MYL1: variants seen among roughly 807,000 people sequenced by gnomAD.
MYL1 encodes the protein myosin light chain 1.
In MYL1, 16 loss-of-function variants were observed where a neutral mutation model predicts 21.8. That is an observed-to-expected ratio of 0.74 (90% CI 0.50 to 1.12). MYL1 has a LOEUF of 1.12. Among genes scored for constraint, MYL1 ranks in the 50% most tolerant of loss-of-function variants. The pLI is 0.00. For missense variants in MYL1, 246 were observed against 241.0 expected (o/e 1.02, Z -0.14); for synonymous variants, 99 against 85.2 (o/e 1.16, Z -0.89).
At position 210,309,874 on chromosome 2, in the gene MYL1, A is replaced by G. The variant is rs558801630; in HGVS notation, c.132+5037T>C. Among the ~76,000 whole-genome samples the G allele has an allele frequency of 4.6e-5, 7 of 152,186 alleles. No individual in the cohort carries two copies. The South Asian group carries it at 1.2e-3, about 27-fold the overall frequency. ...GTTTTACTTAAAAGTGTTATTCACT[A>G]TTAATTGGTGAACATATCTCTTCTT... is the stretch of plus-strand genomic sequence containing the variant. On this transcript the variant is annotated intron_variant, in intron 1 of 6. Coordinates refer to ENST00000352451, the MANE Select transcript of MYL1 (RefSeq NM_079420.3).
rs1279264770 is a variant in MYL1 at position 210,315,056 on chromosome 2, AG to A, written c.-15del. On this transcript the variant is annotated 5_prime_UTR_variant, in exon 1 of 7. Coordinates refer to ENST00000352451, the MANE Select transcript of MYL1 (RefSeq NM_079420.3). The stretch of plus-strand genomic sequence containing the variant: ...CTTTGGTGCCATTTTTTTTTTTAAA[AG>A]GGTGGGTTAAAAAGAGAAGGAGTTC... 4 of 1,592,920 alleles carry A rather than the reference AG, an allele frequency of 2.5e-6. No homozygotes were observed. The Admixed American group carries it at 7.6e-5, about 30-fold the overall frequency.
intron 3 of MYL1, among the ~76,000 whole-genome samples, chr2:210,297,832 G>T (rs953218387): frequency 3.3e-5 from 5 of 151,570 alleles, no homozygotes; most frequent in African/African-American, 1.2e-4. Flanking sequence ...GTGTGTCAAA[G>T]GACAGAGCAC....
At chr2:210,307,681 C>T (rs187042849) in intron 1 of MYL1, among the ~76,000 whole-genome samples, 144 of 152,130 alleles carry the variant, frequency 9.5e-4, no homozygotes, top group Non-Finnish European at 1.5e-3. Context: ...CAATTGATGT[C>T]GGATTTAGGT....
At chr2:210,303,462 C>T in intron 1 of MYL1, 5 of 1,390,220 alleles carry the variant, frequency 3.6e-6, no homozygotes, top group African/African-American at 2.9e-5. Flanking sequence ...TCCATTTTTG[C>T]CTATCTTTCT....
At chr2:210,308,399 AATATATATATATATATAT>A (rs71043988) in intron 1 of MYL1, among the ~76,000 whole-genome samples, 41,156 of 85,008 alleles carry the variant, frequency 0.48, 8,664 homozygotes, top group Admixed American at 0.64. Flanking sequence ...TACTTAGGCT[AATATATATATATATATAT>A]ATATATATAT....
At chr2:210,309,500 A>C (rs1459615456) in intron 1 of MYL1, among the ~76,000 whole-genome samples, 1 of 152,026 alleles carries the variant, frequency 6.6e-6, no homozygotes, top group African/African-American at 2.4e-5. Flanking sequence ...CATATAATAT[A>C]CCTTTTAACT....
chr2:210,306,457 T>C (rs889439122), intron 1 of MYL1, among the ~76,000 whole-genome samples: 2 of 152,146 alleles, frequency 1.3e-5, no homozygotes, highest in Admixed American at 6.5e-5. Flanking sequence ...AAGTTTGTTA[T>C]TATTATAATA....
chr2:210,303,261 T>G (rs1690291184), intron 1 of MYL1, among the ~76,000 whole-genome samples: 1 of 152,226 alleles, frequency 6.6e-6, no homozygotes, highest in Non-Finnish European at 1.5e-5. Flanking sequence ...CAGGTTTTTT[T>G]CTTCTAAATT....
At chr2:210,299,440 C>T (rs1036604531) in intron 2 of MYL1, among the ~76,000 whole-genome samples, 4 of 152,064 alleles carry the variant, frequency 2.6e-5, no homozygotes, top group Admixed American at 1.3e-4. Flanking sequence ...CATTGGTAGA[C>T]GCCATCAATT....
At chr2:210,294,675 G>T (rs1690146195) in intron 3 of MYL1, among the ~76,000 whole-genome samples, 1 of 152,022 alleles carries the variant, frequency 6.6e-6, no homozygotes, top group Non-Finnish European at 1.5e-5. Context: ...TGTGCCTCAA[G>T]TTATCATCTG....
chr2:210,295,283 G>C (rs181026185), intron 3 of MYL1, among the ~76,000 whole-genome samples: 1 of 152,062 alleles, frequency 6.6e-6, no homozygotes, highest in South Asian at 2.1e-4. Context: ...CTGAATAAAT[G>C]AGTATTTTAC....
At chr2:210,308,399 A>AATATATAT (rs71043988) in intron 1 of MYL1, among the ~76,000 whole-genome samples, 4,047 of 83,516 alleles carry the variant, frequency 0.048, 249 homozygotes, top group Non-Finnish European at 0.057. Flanking sequence ...TACTTAGGCT[A>AATATATAT]ATATATATAT....
intron 3 of MYL1, among the ~76,000 whole-genome samples, chr2:210,296,303 G>T (rs1690174018): frequency 6.6e-6 from 1 of 152,120 alleles, no homozygotes; most frequent in South Asian, 2.1e-4. Context: ...GAACATTCAA[G>T]ATCAACTCTT....
intron 5 of MYL1, 89 bp from the exon 6 acceptor site, chr2:210,291,163 C>A: frequency 2.0e-6 from 2 of 1,020,004 alleles, no homozygotes; most frequent in Non-Finnish European, 3.0e-6. Flanking sequence ...TTAGCTCAAT[C>A]CTATTTTTAG....
chr2:210,294,123 AT>A (rs879843700), intron 4 of MYL1, 121 bp downstream of exon 4: 484 of 1,064,684 alleles, frequency 4.5e-4, no homozygotes, highest in Non-Finnish European at 5.3e-4. Flanking sequence ...ACTTTTGACT[AT>A]TTTTTTTTCC....
At chr2:210,304,704 G>A (rs1381803609) in intron 1 of MYL1, among the ~76,000 whole-genome samples, 12 of 152,120 alleles carry the variant, frequency 7.9e-5, no homozygotes. Context: ...CACTGCACCT[G>A]ACTAATTTTT....
In MYL1 at chr2:210,298,413, G is replaced by C; in HGVS notation, c.304+7C>G. The stretch of plus-strand genomic sequence containing the variant: ...TTCCACACTTCTTGGAAAAATTGAT[G>C]GGTTACCTTCATTGCTGGGGTTTCC... On this transcript the variant is annotated splice_region_variant and intron_variant, in intron 3 of 6. Coordinates refer to ENST00000352451, the MANE Select transcript of MYL1 (RefSeq NM_079420.3). The C allele has an allele frequency of 1.2e-6, 2 of 1,611,838 alleles. No individual in the cohort carries two copies. The highest frequency in any genetic ancestry group is 1.7e-6 in the Non-Finnish European group (2 of 1,179,066).
chr2:210,298,560 A>G lies in MYL1; in HGVS notation c.164T>C (p.Phe55Ser). The change falls in exon 3 of 7, where the codon TTC becomes TCC. Residue 55 changes from phenylalanine to serine, a missense_variant. Physicochemically the swap from Phe to Ser is radical, Grantham distance 155. Transcript: ENST00000352451. ...GTCAAACAGGAGAAATGCCTCCTTG[A>G]ATTCTGCAAAAAGCAAGAAGCATTA... is the stretch of plus-strand genomic sequence containing the variant. ...IEFSKEQQDE[F>S]KEAFLLFDRT... 6.2e-7 allele frequency: 1 copy of G among 1,613,908 alleles called. No homozygotes were observed. Among genetic ancestry groups the G allele is most frequent in the Non-Finnish European group, 8.5e-7 (1 of 1,179,938 alleles).
At chr2:210,309,685 A>G (rs1406551815) in intron 1 of MYL1, among the ~76,000 whole-genome samples, 2 of 151,992 alleles carry the variant, frequency 1.3e-5, no homozygotes, top group African/African-American at 4.8e-5. Flanking sequence ...GTATCAGCAG[A>G]CTAAATATAA....
Sources: gnomAD v4.1 joint callset for allele counts (sites outside exome capture counted in the v4.1 genomes callset) on GRCh38, gnomAD v4.1.1 for gene constraint, MANE v1.5 for transcripts, NCBI Gene and HGNC (gene_info 2026-07-23, HGNC 2026-07-21) for gene names.